Variants in CEP44 observed in about 807,000 individuals in gnomAD.
The protein encoded by CEP44 is centrosomal protein 44.
In CEP44, 45 loss-of-function variants were observed where a neutral mutation model predicts 46.7. The ratio of observed to expected loss-of-function variants is 0.96; its 90% confidence interval spans 0.76 to 1.24. The LOEUF is 1.24. Among genes scored for constraint, CEP44 ranks in the 50% most tolerant of loss-of-function variants. The pLI is 0.00. For missense variants in CEP44, 475 were observed against 459.7 expected, an observed-to-expected ratio of 1.03 and a Z score of -0.30; for synonymous variants, 142 against 146.0, an observed-to-expected ratio of 0.97 and a Z score of 0.20.
At chr4:174,316,642 G>A in intron 11 of CEP44, 75 bp downstream of exon 11, 3 of 1,335,696 alleles carry the variant, frequency 2.2e-6, no homozygotes, top group Non-Finnish European at 2.1e-6. Context: ...TATATAGAAT[G>A]TGCATGTGTG....
Position 174,318,447 on chromosome 4 carries a change from A to T in CEP44, c.*1064A>T. ...TGATGAAAAGTTACACATTTTTTGG[A>T]GAGAAAAGTCTTAGCTGAAGGTAAA... On this transcript the variant is annotated 3_prime_UTR_variant, in exon 12 of 12. Transcript: ENST00000503780. The T allele has an allele frequency of 1.0e-6, 1 of 980,700 alleles. No individual in the cohort carries two copies. Among genetic ancestry groups the T allele is most frequent in the Non-Finnish European group, 1.2e-6 (1 of 825,680 alleles). 60.7% of individuals were successfully genotyped at this position (980,700 alleles called of 1,614,324 possible).
In CEP44 at chr4:174,302,043, A is replaced by G; in HGVS notation, c.94A>G (p.Ile32Val). 6.3e-7 allele frequency: 1 copy of G among 1,597,368 alleles called. No homozygotes were observed. The highest frequency in any genetic ancestry group is 2.2e-5 in the East Asian group (1 of 44,560). The change falls in exon 4 of 12, where the codon ATA becomes GTA. Residue 32 changes from isoleucine to valine, a missense_variant. Transcript: ENST00000503780. ...TTTTTCTTTTTTTCCTAACAGTTTG[A>G]TAAAGGGAGACCCAGCAGCATCTTT... ...YPEEVDCVGL[I>V]KGDPAASLPI...
intron 1 of CEP44, among the ~76,000 whole-genome samples, chr4:174,291,787 C>CTTTTTTTTTTTTTTTTTTTTTTTTTT (rs56201469): frequency 3.0e-4 from 14 of 46,404 alleles, no homozygotes; most frequent in East Asian, 8.8e-4. Context: ...TTTTTCTTTT[C>CTTTTTTTTTTTTTTTTTTTTTTTTTT]TTTTTTTTTT....
chr4:174,285,621 T>G (rs1737500187), intron 1 of CEP44: 1 of 152,140 alleles, frequency 6.6e-6, no homozygotes, highest in South Asian at 2.1e-4. Flanking sequence ...TTACTTGCAC[T>G]GGGAAAATGG....
rs1043137410 is a variant in CEP44 at position 174,288,670 on chromosome 4, C to T, written c.-148+4727C>T. On this transcript the variant is annotated intron_variant, in intron 1 of 11. Transcript: ENST00000503780. This position sits in a 1 kb window ranked among gnomAD's most constrained non-coding sequence, Gnocchi z 4.6. ...TTGTTGGGGTCCCTAAGGTTTTCTA[C>T]ATCTAAGATCATGTCATCTGCAAAC... is the stretch of plus-strand genomic sequence containing the variant. Among the ~76,000 whole-genome samples, 2 of 152,084 alleles carry T rather than the reference C, an allele frequency of 1.3e-5. No individual in the cohort carries two copies. The highest frequency in any genetic ancestry group is 1.3e-4 in the Admixed American group (2 of 15,264).
intron 8 of CEP44, among the ~76,000 whole-genome samples, chr4:174,328,420 T>C (rs1379067676): frequency 6.6e-6 from 1 of 152,232 alleles, no homozygotes; most frequent in Admixed American, 6.5e-5. Context: ...TGTATTTCCA[T>C]AGTAACTATC....
chr4:174,316,335 A>G, intron 10 of CEP44, 45 bp downstream of exon 10: 1 of 1,557,846 alleles, frequency 6.4e-7, no homozygotes, highest in Admixed American at 1.7e-5. Flanking sequence ...GAGGAAAACA[A>G]GCAAGCATTA....
rs70947423 is a variant in CEP44 at position 174,297,651 on chromosome 4, AGT to A, written c.-147-282_-147-281del. Among the ~76,000 whole-genome samples the A allele has an allele frequency of 0.13, 19,082 of 148,864 alleles. 1,312 individuals carry two copies. The highest frequency in any genetic ancestry group is 0.24 in the South Asian group (1,107 of 4,630). On this transcript the variant is annotated intron_variant, in intron 1 of 11. Coordinates refer to ENST00000503780, the MANE Select transcript of CEP44 (RefSeq NM_001040157.3). This position sits in a 1 kb window ranked among gnomAD's most constrained non-coding sequence, Gnocchi z 4.3. ...CTGAGATATAGGAAGAAACTTTATT[AGT>A]GTGTGTGTGTGTGTGTGTGTGTGTG...
intron 1 of CEP44, among the ~76,000 whole-genome samples, chr4:174,284,501 T>C (rs972892517): frequency 6.6e-6 from 1 of 152,214 alleles, no homozygotes; most frequent in Non-Finnish European, 1.5e-5. Flanking sequence ...TCCCCAGCTT[T>C]TCAAATATTT....
chr4:174,305,585 G>A (rs1271266720), intron 6 of CEP44, among the ~76,000 whole-genome samples: 1 of 152,154 alleles, frequency 6.6e-6, no homozygotes. Context: ...ATGATACAAA[G>A]CCGCCATTTT....
chr4:174,315,026 G>C (rs1328557810), intron 9 of CEP44, among the ~76,000 whole-genome samples: 1 of 152,210 alleles, frequency 6.6e-6, no homozygotes, highest in East Asian at 1.9e-4. Context: ...TGATGAGTCA[G>C]CAGAGAAAGC....
intron 6 of CEP44, 65 bp downstream of exon 6, chr4:174,304,434 T>A (rs1315120956): frequency 6.4e-7 from 1 of 1,557,818 alleles, no homozygotes; most frequent in African/African-American, 1.4e-5. Flanking sequence ...ATATACAGTT[T>A]TCACTTTTCT....
At chr4:174,306,892 A>G (rs36081616) in intron 6 of CEP44, among the ~76,000 whole-genome samples, 27,062 of 152,122 alleles carry the variant, frequency 0.18, 2,948 homozygotes, top group East Asian at 0.58. Context: ...ATACCTAGGA[A>G]TCTAGCTAAC....
In CEP44 at chr4:174,288,315, C is replaced by A. The variant is rs547907304; in HGVS notation, c.-148+4372C>A. ...GAGCACTTAACATTAGATCTAACTT[C>A]TTAGCAAAATTTTAAGAATACAATA... On this transcript the variant is annotated intron_variant, in intron 1 of 11. Coordinates refer to ENST00000503780, the MANE Select transcript of CEP44 (RefSeq NM_001040157.3). The surrounding 1 kb of genome is among the most constrained non-coding windows in gnomAD (Gnocchi z 4.6). 6.6e-6 allele frequency among the ~76,000 whole-genome samples: 1 copy of A among 152,244 alleles called. No individual in the cohort carries two copies. The highest frequency in any genetic ancestry group is 1.5e-5 in the Non-Finnish European group (1 of 67,998).
downstream of CEP44, among the ~76,000 whole-genome samples, chr4:174,324,876 C>T (rs537343537): frequency 2.6e-5 from 4 of 152,270 alleles, no homozygotes; most frequent in African/African-American, 9.6e-5. Flanking sequence ...CCACATCTCC[C>T]AGCTGTTCTC....
Position 174,307,030 on chromosome 4 carries a change from G to A in CEP44, c.508-1659G>A, listed in dbSNP as rs114750848. Reference sequence around the variant, plus strand: ...AAGAATCAATATTGTTAAAATGACTGTACTGCCCAAAGCAATTTATAGATT... The same window carrying A: ...AAGAATCAATATTGTTAAAATGACTATACTGCCCAAAGCAATTTATAGATT... On this transcript the variant is annotated intron_variant, in intron 6 of 11. Coordinates refer to ENST00000503780, the MANE Select transcript of CEP44 (RefSeq NM_001040157.3). Among the ~76,000 whole-genome samples the A allele has an allele frequency of 8.1e-3, 1,225 of 152,068 alleles. 19 individuals carry two copies. Among genetic ancestry groups the A allele is most frequent in the African/African-American group, 0.028 (1,146 of 41,508 alleles).
Position 174,308,645 on chromosome 4 carries a change from G to C in CEP44, c.508-44G>C, listed in dbSNP as rs149068385. On this transcript the variant is annotated intron_variant, in intron 6 of 11. Transcript: ENST00000503780. ...AAAGTTAAAAAATAAATAATTGTGG[G>C]AGGAAAACATTGAAGTGTTTCTTAC... is the stretch of plus-strand genomic sequence containing the variant. The C allele has an allele frequency of 3.5e-3, 5,358 of 1,546,744 alleles. 19 individuals carry two copies. The highest frequency in any genetic ancestry group is 0.012 in the Middle Eastern group (55 of 4,740).
chr4:174,322,239 C>A (rs191012085), downstream of CEP44, among the ~76,000 whole-genome samples: 10 of 152,192 alleles, frequency 6.6e-5, no homozygotes, highest in East Asian at 1.9e-3. Context: ...TTTTTAAAAT[C>A]ATCATTCTCT....
chr4:174,308,105 A>G (rs1740645301), intron 6 of CEP44, among the ~76,000 whole-genome samples: 3 of 152,180 alleles, frequency 2.0e-5, no homozygotes, highest in Admixed American at 2.0e-4. Context: ...CTTGGTATAT[A>G]CTTAAGGGAA....
Sources: allele counts gnomAD v4.1 joint callset (sites outside exome capture counted in the v4.1 genomes callset), GRCh38; gene constraint gnomAD v4.1.1; non-coding constraint Gnocchi (gnomAD v3.1); transcripts MANE v1.5; gene names NCBI Gene and HGNC (gene_info 2026-07-23, HGNC 2026-07-21).